Variants in KIF13A observed in about 807,000 individuals in gnomAD.
KIF13A encodes the protein kinesin family member 13A.
Under a neutral mutation model 212.2 loss-of-function variants are expected in KIF13A, and 79 were observed. The ratio of observed to expected loss-of-function variants is 0.37; its 90% CI spans 0.31 to 0.45. The LOEUF (loss-of-function observed/expected upper bound fraction) is 0.45. Among genes scored for constraint, KIF13A ranks in the 20% least tolerant of loss-of-function variants. The pLI is 1.00. For synonymous variants in KIF13A, 789 were observed against 808.6 expected (o/e 0.98, Z 0.41); for missense variants, 1,901 against 2,209.0 (o/e 0.86, Z 2.79).
rs780983796 is a variant in KIF13A at position 17,780,885 on chromosome 6, C to G, written c.3691G>C (p.Asp1231His). ...DDEVSATASW[D>H]SSVHDSVHLN... is the part of the protein sequence containing the mutation. ...TGAACAGAATCATGCACCGAGGAAT[C>G]CCAAGAGGCTGTGGCTGAAACCTAG... Residue 1231 changes from aspartate (D) to histidine (H), a missense_variant, in exon 31 of 39, where the codon GAT (aspartate) becomes CAT (histidine). This residue lies in a region of KIF13A where 687 missense variants were observed against 759.1 expected (regional missense o/e 0.90). Transcript: ENST00000259711. 3 of 1,613,584 alleles carry G rather than the reference C, an allele frequency of 1.9e-6. No individual in the cohort carries two copies. Among genetic ancestry groups the G allele is most frequent in the Non-Finnish European group, 2.5e-6 (3 of 1,179,680 alleles).
intron 23 of KIF13A, among the ~76,000 whole-genome samples, chr6:17,796,389 T>C (rs6459572): frequency 0.91 from 137,142 of 150,508 alleles, 62,595 homozygotes; most frequent in East Asian, 0.99. Flanking sequence ...GGATTACAGG[T>C]GCGTGCCACC....
intron 23 of KIF13A, 139 bp downstream of exon 23, chr6:17,796,530 G>GC (rs1762049679): frequency 1.9e-6 from 1 of 526,106 alleles, no homozygotes; most frequent in Non-Finnish European, 2.9e-6. Flanking sequence ...ATGAGCCACC[G>GC]CACCTGGCCA....
intron 2 of KIF13A, among the ~76,000 whole-genome samples, chr6:17,977,114 C>CAAAAAAAA (rs398000718): frequency 2.8e-5 from 3 of 106,658 alleles, no homozygotes; most frequent in South Asian, 3.2e-4. Flanking sequence ...AAAACAACAA[C>CAAAAAAAA]AAAAAAAAAA....
chr6:17,868,989 C>CAAAA lies in KIF13A; in HGVS notation c.220+4384_220+4387dup, dbSNP rs71002278. ...TGGGCGACAGAGGGAGACTCCCTCTCAAAAAAAAAAAAAAAAAAAAAAAAA... is the reference window on the plus strand; with the variant it reads ...TGGGCGACAGAGGGAGACTCCCTCTCAAAAAAAAAAAAAAAAAAAAAAAAAAAAA... On this transcript the variant is annotated intron_variant, in intron 4 of 38. Transcript: ENST00000259711. 2.0e-3 allele frequency among the ~76,000 whole-genome samples: 42 copies of CAAAA among 20,928 alleles called. 1 individual carries two copies. The highest frequency in any genetic ancestry group is 3.5e-3 in the East Asian group (2 of 566). The allele number at this position is 20,928 out of a possible 152,430, so 13.7% of individuals were successfully genotyped here.
chr6:17,857,504 C>A (rs1164706879), intron 4 of KIF13A, among the ~76,000 whole-genome samples: 1 of 152,104 alleles, frequency 6.6e-6, no homozygotes, highest in Non-Finnish European at 1.5e-5. Flanking sequence ...CTAAGTTTCC[C>A]GAGGCCTCCC....
intron 16 of KIF13A, chr6:17,821,795 A>G: frequency 1.3e-6 from 2 of 1,535,298 alleles, no homozygotes; most frequent in Non-Finnish European, 1.7e-6. Flanking sequence ...CCTTTATCCC[A>G]GTGTTTGTGG....
At chr6:17,974,079 GTTT>G (rs778832687) in intron 2 of KIF13A, among the ~76,000 whole-genome samples, 1 of 152,040 alleles carries the variant, frequency 6.6e-6, no homozygotes, top group Non-Finnish European at 1.5e-5. Context: ...TAGGAACCTG[GTTT>G]TTTATTTTTA....
chr6:17,911,859 G>A (rs1774095830), intron 2 of KIF13A, among the ~76,000 whole-genome samples: 1 of 151,822 alleles, frequency 6.6e-6, no homozygotes, highest in South Asian at 2.1e-4. Flanking sequence ...CCACCTCCCG[G>A]GTTCAAGCGA....
At position 17,914,726 on chromosome 6, in the gene KIF13A, C is replaced by A. The variant is rs1774352256; in HGVS notation, c.147-16546G>T. Among the ~76,000 whole-genome samples the A allele has an allele frequency of 6.6e-6, 1 of 152,282 alleles. No homozygotes were observed. Among genetic ancestry groups the A allele is most frequent in the African/African-American group, 2.4e-5 (1 of 41,552 alleles). On this transcript the variant is annotated intron_variant, in intron 2 of 38. Coordinates refer to ENST00000259711, the MANE Select transcript of KIF13A (RefSeq NM_022113.6). The surrounding 1 kb of genome is among the most constrained non-coding windows in gnomAD (Gnocchi z 5.9). ...TCCAGGCCACCTCACAGAGCTCCTG[C>A]TGCTAATTGCCATGGCTGCAATTCC...
intron 2 of KIF13A, among the ~76,000 whole-genome samples, chr6:17,974,206 T>A (rs1378639279): frequency 6.6e-6 from 1 of 152,100 alleles, no homozygotes; most frequent in Non-Finnish European, 1.5e-5. Flanking sequence ...CTCAGCCTCC[T>A]GAGTAGCTGG....
Position 17,804,479 on chromosome 6 carries a change from G to A in KIF13A, c.2336C>T (p.Pro779Leu). The stretch of plus-strand genomic sequence containing the variant: ...GTGATTTTCTTGGGCTTCATAGAAA[G>A]GGTCACCTCGTTTTCCGTAGAGTCT... ...AKRLYGKRGDPFYEAQENHNL... is the reference protein window; with the variant it reads ...AKRLYGKRGDLFYEAQENHNL... Residue 779 changes from proline to leucine, a missense_variant, in exon 20 of 39, where the codon CCT becomes CTT. By Grantham distance (98) the Pro-to-Leu change is moderately conservative. Around this residue, in one of 5 missense-constraint regions of KIF13A, gnomAD observed 534 missense variants for 536.9 expected, o/e 0.99. Transcript: ENST00000259711. 6.3e-7 allele frequency: 1 copy of A among 1,598,190 alleles called. No individual in the cohort carries two copies. The highest frequency in any genetic ancestry group is 1.1e-5 in the South Asian group (1 of 88,062).
In KIF13A at chr6:17,987,578, C is replaced by T. The variant is rs1213287160; in HGVS notation, c.-115G>A. On this transcript the variant is annotated 5_prime_UTR_variant, in exon 1 of 39. Coordinates refer to ENST00000259711, the MANE Select transcript of KIF13A (RefSeq NM_022113.6). This position sits in a 1 kb window ranked among gnomAD's most constrained non-coding sequence, Gnocchi z 7.7. Reference sequence around the variant, plus strand: ...CCCTCGAGCGCGGCCGCCGCCGCTCCGCCGTGAGCTCCGAGAGGCAGCGCC... The same window carrying T: ...CCCTCGAGCGCGGCCGCCGCCGCTCTGCCGTGAGCTCCGAGAGGCAGCGCC... 1 of 451,244 alleles carries T rather than the reference C, an allele frequency of 2.2e-6. No homozygotes were observed. Among genetic ancestry groups the T allele is most frequent in the Non-Finnish European group, 2.9e-6 (1 of 343,662 alleles). 28.0% of individuals were successfully genotyped at this position (451,244 alleles called of 1,614,324 possible). A position where few individuals can be genotyped will look rare whatever the true frequency, so the allele number is the denominator to read the frequency against.
chr6:17,801,229 A>C (rs1046811648), intron 20 of KIF13A, among the ~76,000 whole-genome samples: 2 of 150,966 alleles, frequency 1.3e-5, no homozygotes, highest in Non-Finnish European at 2.9e-5. Context: ...TGGTGGCTCA[A>C]GCCTATAATC....
intron 26 of KIF13A, among the ~76,000 whole-genome samples, chr6:17,788,659 T>G (rs1167456025): frequency 6.6e-6 from 1 of 152,212 alleles, no homozygotes; most frequent in Non-Finnish European, 1.5e-5. Context: ...AATTCTAGTT[T>G]AAGACTTAAG....
Position 17,789,990 on chromosome 6 carries a change from A to AC in KIF13A, c.3223-81dup. On this transcript the variant is annotated intron_variant, in intron 25 of 38. Transcript: ENST00000259711. The surrounding 1 kb of genome is among the most constrained non-coding windows in gnomAD (Gnocchi z 4.8). ...CAGGGAAAATAATTATTTAAGCTTAACACACATTAAAATGGACAGCTTACC... is the reference window on the plus strand; with the variant it reads ...CAGGGAAAATAATTATTTAAGCTTAACCACACATTAAAATGGACAGCTTACC... 1 of 1,124,098 alleles carries AC rather than the reference A, an allele frequency of 8.9e-7. No individual in the cohort carries two copies. Among genetic ancestry groups the AC allele is most frequent in the Non-Finnish European group, 1.3e-6 (1 of 752,606 alleles). 69.6% of individuals were successfully genotyped at this position (1,124,098 alleles called of 1,614,324 possible).
At position 17,855,253 on chromosome 6, in the gene KIF13A, T is replaced by C. The variant is rs1337252309; in HGVS notation, c.494+184A>G. Among the ~76,000 whole-genome samples, 1 of 152,244 alleles carries C rather than the reference T, an allele frequency of 6.6e-6. No individual in the cohort carries two copies. The highest frequency in any genetic ancestry group is 1.5e-5 in the Non-Finnish European group (1 of 68,044). On this transcript the variant is annotated intron_variant, in intron 6 of 38. Coordinates refer to ENST00000259711, the MANE Select transcript of KIF13A (RefSeq NM_022113.6). The surrounding 1 kb of genome is among the most constrained non-coding windows in gnomAD (Gnocchi z 4.1). ...GGCATACATAGGCAACTTTATACATTAATGTAGGATAAACACTGGGTATAC... is the reference window on the plus strand; with the variant it reads ...GGCATACATAGGCAACTTTATACATCAATGTAGGATAAACACTGGGTATAC...
chr6:17,904,153 T>C (rs911146508), intron 2 of KIF13A, among the ~76,000 whole-genome samples: 1 of 146,752 alleles, frequency 6.8e-6, no homozygotes, highest in African/African-American at 2.5e-5. Flanking sequence ...TGAGACTCTG[T>C]CTCAAAAAAA....
chr6:17,948,513 T>C (rs1777591901), intron 2 of KIF13A, among the ~76,000 whole-genome samples: 1 of 151,966 alleles, frequency 6.6e-6, no homozygotes. Flanking sequence ...AAGAGAAACA[T>C]TTTGGCTCCC....
intron 2 of KIF13A, among the ~76,000 whole-genome samples, chr6:17,958,038 C>G (rs1778495809): frequency 6.6e-6 from 1 of 152,168 alleles, no homozygotes; most frequent in Non-Finnish European, 1.5e-5. Flanking sequence ...TAAAAGCTCT[C>G]ACCAAACCCT....
Sources: gnomAD v4.1 joint callset for allele counts (sites outside exome capture counted in the v4.1 genomes callset) on GRCh38, gnomAD v4.1.1 for gene constraint, gnomAD v4.1.1 regional missense constraint, Gnocchi (gnomAD v3.1) non-coding constraint, MANE v1.5 for transcripts, NCBI Gene and HGNC (gene_info 2026-07-23, HGNC 2026-07-21) for gene names.